Variants in DNAH11 observed in about 807,000 individuals in gnomAD.
DNAH11 encodes the protein axonemal beta dynein heavy chain 11.
In DNAH11, 442 loss-of-function variants were observed where a neutral mutation model predicts 526.0. The observed-to-expected ratio is 0.84, with a 90% CI of 0.78 to 0.91. DNAH11 has a LOEUF of 0.91. Among genes scored for constraint, DNAH11 ranks in the 40% least tolerant of loss-of-function variants. The pLI is 0.00. For missense variants in DNAH11, 6,989 were observed against 5,448.7 expected (o/e 1.28, Z -8.90); for synonymous variants, 2,461 against 1,935.9 (o/e 1.27, Z -7.12).
rs1289730639 is a variant in DNAH11 at position 21,901,241 on chromosome 7, T to C, written c.13538T>C (p.Leu4513Pro). The part of the protein sequence containing the change: ...AKWVLAGVAL[L>P]LEA ...TGGGTTCTGGCTGGAGTGGCTCTGC[T>C]TCTAGAAGCGTAAGGTAACACTGGC... Residue 4513 changes from leucine to proline, a missense_variant, in exon 82 of 82, where the codon CTT becomes CCT. Physicochemically the swap from Leu to Pro is moderately conservative, Grantham distance 98. Coordinates refer to ENST00000409508, the MANE Select transcript of DNAH11 (RefSeq NM_001277115.2). 3.1e-6 allele frequency: 5 copies of C among 1,606,206 alleles called. No homozygotes were observed. The highest frequency in any genetic ancestry group is 4.3e-6 in the Non-Finnish European group (5 of 1,176,186).
rs1161522667 is a variant in DNAH11, at chr7:21,543,564, G to A, written c.319G>A (p.Ala107Thr). ...CCCGGCTTGCCTTGTGTTTAGCTTCGCCGCCTCGGGGCGCCTTGCGGCTTC... is the reference window on the plus strand; with the variant it reads ...CCCGGCTTGCCTTGTGTTTAGCTTCACCGCCTCGGGGCGCCTTGCGGCTTC... Reference protein sequence around the residue: ...TSPACLVFSFAASGRLAASQE... With the variant: ...TSPACLVFSFTASGRLAASQE... Residue 107 changes from alanine (A) to threonine (T), a missense_variant, in exon 1 of 82, where the codon GCC (alanine) becomes ACC (threonine). By Grantham distance (58) the Ala-to-Thr change is moderately conservative (BLOSUM62 0). Coordinates refer to ENST00000409508, the MANE Select transcript of DNAH11 (RefSeq NM_001277115.2). 1 of 1,604,130 alleles carries A rather than the reference G, an allele frequency of 6.2e-7. No individual in the cohort carries two copies.
intron 18 of DNAH11, among the ~76,000 whole-genome samples, chr7:21,602,557 T>TTGTG (rs60703018): frequency 0.014 from 2,035 of 149,088 alleles, 38 homozygotes; most frequent in African/African-American, 0.044. Flanking sequence ...ATTTTATAGA[T>TTGTG]TGTGTGTGTG....
At chr7:21,787,256 C>G (rs1378860907) in intron 59 of DNAH11, 145 bp from the exon 60 acceptor site, 6 of 706,812 alleles carry the variant, frequency 8.5e-6, no homozygotes, top group Non-Finnish European at 1.4e-5. Flanking sequence ...ACTATAAAGA[C>G]TGAAAAAGTC....
intron 2 of DNAH11, among the ~76,000 whole-genome samples, chr7:21,557,807 C>A (rs1046521037): frequency 6.6e-6 from 1 of 152,174 alleles, no homozygotes; most frequent in Non-Finnish European, 1.5e-5. Flanking sequence ...CCTGGACATA[C>A]CTCTAATCAT....
chr7:21,556,243 G>T (rs1783213989), intron 2 of DNAH11, among the ~76,000 whole-genome samples: 1 of 152,108 alleles, frequency 6.6e-6, no homozygotes, highest in African/African-American at 2.4e-5. Flanking sequence ...CACTTTTTGT[G>T]ACTTTCTAGG....
At chr7:21,614,951 GCTCTTCTAAAA>G (rs1304162697) in intron 20 of DNAH11, among the ~76,000 whole-genome samples, 152 bp from the exon 21 acceptor site, 1 of 152,166 alleles carries the variant, frequency 6.6e-6, no homozygotes, top group Non-Finnish European at 1.5e-5. Flanking sequence ...AGCTGAGTTT[GCTCTTCTAAAA>G]CCTACATTTT....
At chr7:21,789,411 C>A in intron 61 of DNAH11, 69 bp downstream of exon 61, 2 of 980,304 alleles carry the variant, frequency 2.0e-6, no homozygotes, top group Non-Finnish European at 3.1e-6. Flanking sequence ...AGGATTCCAC[C>A]CTCAGACAGC....
intron 70 of DNAH11, 122 bp downstream of exon 70, chr7:21,864,779 A>C: frequency 1.1e-6 from 1 of 946,970 alleles, no homozygotes; most frequent in Non-Finnish European, 1.5e-6. Context: ...CAGTTGTAGA[A>C]ATGCACTGTA....
chr7:21,577,627 C>T (rs1784148929), intron 8 of DNAH11, among the ~76,000 whole-genome samples: 1 of 152,272 alleles, frequency 6.6e-6, no homozygotes, highest in East Asian at 1.9e-4. Context: ...CCAGCGGTAA[C>T]AAGGAGCCCC....
chr7:21,727,057 C>G (rs1785150969), intron 45 of DNAH11, among the ~76,000 whole-genome samples: 1 of 146,788 alleles, frequency 6.8e-6, no homozygotes, highest in Non-Finnish European at 1.5e-5. Flanking sequence ...CCTCAGACTC[C>G]CAAGTAGCTG....
chr7:21,623,247 A>C (rs532491479), intron 25 of DNAH11, among the ~76,000 whole-genome samples: 50 of 152,282 alleles, frequency 3.3e-4, no homozygotes, highest in Non-Finnish European at 6.5e-4. Context: ...GAGAAATGCA[A>C]ATCAAAACCA....
chr7:21,892,636 GTGA>G lies in DNAH11; in HGVS notation c.12723_12725del (p.Asp4241del), dbSNP rs769843088. On this transcript the variant is annotated inframe_deletion, in exon 77 of 82. Coordinates refer to ENST00000409508, the MANE Select transcript of DNAH11 (RefSeq NM_001277115.2). ...ATGCAGCCCAGGAATGCACTCAGTG[GTGA>G]TGAACTGGGGCAGTCTACAGAAGAA... 4 of 1,611,300 alleles carry G rather than the reference GTGA, an allele frequency of 2.5e-6. No homozygotes were observed. Among genetic ancestry groups the G allele is most frequent in the Non-Finnish European group, 3.4e-6 (4 of 1,178,354 alleles).
chr7:21,657,762 G>C (rs937397814), intron 29 of DNAH11, among the ~76,000 whole-genome samples: 3 of 152,156 alleles, frequency 2.0e-5, no homozygotes, highest in Non-Finnish European at 4.4e-5. Context: ...ACAAAGCACA[G>C]TTGTGAAGCC....
At chr7:21,767,904 T>A (rs1308372198) in intron 55 of DNAH11, among the ~76,000 whole-genome samples, 1 of 152,170 alleles carries the variant, frequency 6.6e-6, no homozygotes, top group East Asian at 1.9e-4. Context: ...ATTTGCTGAG[T>A]GTAAGGTGCT....
At position 21,744,849 on chromosome 7, in the gene DNAH11, T is replaced by A. The variant is rs747708898; in HGVS notation, c.8317-21T>A. On this transcript the variant is annotated intron_variant, in intron 50 of 81. Coordinates refer to ENST00000409508, the MANE Select transcript of DNAH11 (RefSeq NM_001277115.2). ...CTATGGATGGTTGACATGCCATATT[T>A]TTCTCTTTCTCATCCTGCAGGGTAT... The A allele has an allele frequency of 8.8e-6, 14 of 1,591,496 alleles. No individual in the cohort carries two copies. In the South Asian group the frequency reaches 1.6e-4, roughly 18 times the overall value.
chr7:21,645,372 T>A (rs1268516027), intron 28 of DNAH11, among the ~76,000 whole-genome samples: 2 of 152,202 alleles, frequency 1.3e-5, no homozygotes, highest in Admixed American at 6.5e-5. Flanking sequence ...TGAATCTGTT[T>A]AAATGCACTG....
At position 21,614,027 on chromosome 7, in the gene DNAH11, G is replaced by T. The variant is rs145389476; in HGVS notation, c.3853-1087G>T. 5.3e-3 allele frequency among the ~76,000 whole-genome samples: 807 copies of T among 151,336 alleles called. 5 individuals are homozygous for T. Among genetic ancestry groups the T allele is most frequent in the African/African-American group, 0.019 (769 of 41,196 alleles). ...CCTGGGCTCAAGCAATCCACCTACT[G>T]TGACTTCCCAAAGTGCTGGGATTAC... On this transcript the variant is annotated intron_variant, in intron 20 of 81. Coordinates refer to ENST00000409508, the MANE Select transcript of DNAH11 (RefSeq NM_001277115.2).
chr7:21,675,032 C>T (rs1782815779), intron 30 of DNAH11, among the ~76,000 whole-genome samples: 2 of 152,220 alleles, frequency 1.3e-5, no homozygotes, highest in Admixed American at 1.3e-4. Flanking sequence ...AAGCCACTCT[C>T]TTTCATCTAA....
In DNAH11 at chr7:21,615,117, A is replaced by C; in HGVS notation, c.3856A>C (p.Asn1286His). ...GGTGTTTATGTTCTCTCCTTAGGCA[A>C]ATGAAGAGCTTGAGGCCTTAGAAGA... The part of the protein sequence containing the change: ...ENPYTALDKA[N>H]EELEALEEEM... The change falls in exon 21 of 82, where the codon AAT becomes CAT. Residue 1286 changes from asparagine (N) to histidine (H), a missense_variant. Physicochemically the swap from Asn to His is moderately conservative, Grantham distance 68. Coordinates refer to ENST00000409508, the MANE Select transcript of DNAH11 (RefSeq NM_001277115.2). The C allele has an allele frequency of 1.2e-6, 2 of 1,609,602 alleles. No individual in the cohort carries two copies. Among genetic ancestry groups the C allele is most frequent in the South Asian group, 1.1e-5 (1 of 89,750 alleles).
Sources: gnomAD v4.1 joint callset for allele counts (sites outside exome capture counted in the v4.1 genomes callset) on GRCh38, gnomAD v4.1.1 for gene constraint, MANE v1.5 for transcripts, NCBI Gene and HGNC (gene_info 2026-07-23, HGNC 2026-07-21) for gene names.